The following JAKMIP2 variants were observed in gnomAD, a reference collection of about 807,000 sequenced individuals.
JAKMIP2 encodes the protein janus kinase and microtubule-interacting protein 2.
A neutral mutation model predicts 115.0 loss-of-function variants in JAKMIP2; 25 were observed. That is an observed-to-expected ratio of 0.22 (90% CI 0.16 to 0.30). JAKMIP2 has a LOEUF of 0.30. Among genes scored for constraint, JAKMIP2 ranks in the 10% least tolerant of loss-of-function variants. The pLI is 1.00. For missense variants in JAKMIP2, 642 were observed against 957.6 expected (o/e 0.67, Z 4.35); for synonymous variants, 334 against 343.6 (o/e 0.97, Z 0.31).
intron 21 of JAKMIP2, among the ~76,000 whole-genome samples, chr5:147,601,525 G>A (rs967373781): frequency 6.6e-6 from 1 of 152,112 alleles, no homozygotes; most frequent in African/African-American, 2.4e-5. Flanking sequence ...CTTTGAGCCT[G>A]GGAGATTGAG....
intron 1 of JAKMIP2, among the ~76,000 whole-genome samples, chr5:147,780,152 G>C (rs1360245001): frequency 2.0e-5 from 3 of 152,128 alleles, no homozygotes; most frequent in Non-Finnish European, 2.9e-5. Context: ...TCTAGTGCTT[G>C]AAACACACTT....
At chr5:147,744,667 A>T (rs1561572574) in intron 1 of JAKMIP2, among the ~76,000 whole-genome samples, 1 of 152,190 alleles carries the variant, frequency 6.6e-6, no homozygotes, top group Non-Finnish European at 1.5e-5. Flanking sequence ...AAAATTAAAG[A>T]TTGGTACAAA....
chr5:147,629,795 T>C (rs374066114), intron 14 of JAKMIP2, 49 bp from the exon 15 acceptor site: 2 of 1,429,268 alleles, frequency 1.4e-6, no homozygotes, highest in African/African-American at 1.4e-5. Flanking sequence ...TGGCCTCCTA[T>C]TCCATCAGTG....
intron 1 of JAKMIP2, among the ~76,000 whole-genome samples, chr5:147,759,089 G>A (rs959989220): frequency 7.9e-5 from 12 of 152,072 alleles, no homozygotes; most frequent in Non-Finnish European, 2.9e-5. Flanking sequence ...TATTTCCATG[G>A]CTGGGTAAAT....
intron 1 of JAKMIP2, among the ~76,000 whole-genome samples, chr5:147,726,313 A>C (rs564181290): frequency 1.3e-5 from 2 of 152,226 alleles, no homozygotes; most frequent in South Asian, 4.1e-4. Flanking sequence ...CTCAGAATGG[A>C]AGAAGATGGT....
Position 147,585,661 on chromosome 5 carries a change from A to G in JAKMIP2, c.*6046T>C, listed in dbSNP as rs1266235893. ...AGTCAATTTTTATTTTTCTTTCATT[A>G]ATAAACAAGCACTGAAGTGATATAT... On this transcript the variant is annotated 3_prime_UTR_variant, in exon 22 of 22. Transcript: ENST00000616793. The G allele has an allele frequency of 6.6e-6, 1 of 152,166 alleles. No individual in the cohort carries two copies. Among genetic ancestry groups the G allele is most frequent in the Non-Finnish European group, 1.5e-5 (1 of 68,038 alleles). 9.4% of individuals were successfully genotyped at this position (152,166 alleles called of 1,614,324 possible).
chr5:147,636,171 ATC>A, intron 12 of JAKMIP2, 49 bp downstream of exon 12: 4 of 1,462,432 alleles, frequency 2.7e-6, no homozygotes, highest in Non-Finnish European at 3.8e-6. Context: ...CTGCTCCTGG[ATC>A]TCTCATGATT....
chr5:147,716,590 G>A (rs1463832074), intron 1 of JAKMIP2, among the ~76,000 whole-genome samples: 1 of 152,116 alleles, frequency 6.6e-6, no homozygotes. Flanking sequence ...TTTCTCTGAT[G>A]GCCAGCGATG....
chr5:147,714,380 G>A (rs1752887673), intron 1 of JAKMIP2, among the ~76,000 whole-genome samples: 1 of 152,128 alleles, frequency 6.6e-6, no homozygotes, highest in African/African-American at 2.4e-5. Flanking sequence ...TGGAATTTAG[G>A]TGTAACAGAA....
chr5:147,607,948 T>C (rs562949847), intron 20 of JAKMIP2, among the ~76,000 whole-genome samples: 1 of 152,290 alleles, frequency 6.6e-6, no homozygotes, highest in African/African-American at 2.4e-5. Flanking sequence ...CTAGATTTTC[T>C]ATTTATTTGC....
chr5:147,722,341 TC>T (rs1354262973), intron 1 of JAKMIP2, among the ~76,000 whole-genome samples: 1 of 152,172 alleles, frequency 6.6e-6, no homozygotes, highest in African/African-American at 2.4e-5. Flanking sequence ...GTTATTCCTC[TC>T]CCCGTCTTTT....
At chr5:147,613,522 A>G (rs7443154) in intron 19 of JAKMIP2, among the ~76,000 whole-genome samples, 142,906 of 152,216 alleles carry the variant, frequency 0.94, 67,598 homozygotes, top group Non-Finnish European at 1. Flanking sequence ...ATTTTTTTAA[A>G]GTTAGTTAAT....
At chr5:147,678,011 G>A (rs1015216011) in intron 1 of JAKMIP2, among the ~76,000 whole-genome samples, 1 of 150,826 alleles carries the variant, frequency 6.6e-6, no homozygotes, top group African/African-American at 2.4e-5. Context: ...CCTTTTTTTT[G>A]TTCGTTTGTT....
chr5:147,745,550 G>A (rs1199281815), intron 1 of JAKMIP2, among the ~76,000 whole-genome samples: 1 of 152,118 alleles, frequency 6.6e-6, no homozygotes, highest in Non-Finnish European at 1.5e-5. Flanking sequence ...CCACCATGGA[G>A]GTTTTGGTTC....
chr5:147,662,107 A>G (rs1360408089), intron 2 of JAKMIP2: 1 of 151,296 alleles, frequency 6.6e-6, no homozygotes, highest in Non-Finnish European at 1.5e-5. Flanking sequence ...ACAGTTGATA[A>G]TAGCCTCAAC....
chr5:147,726,199 G>C (rs921105905), intron 1 of JAKMIP2, among the ~76,000 whole-genome samples: 3 of 152,220 alleles, frequency 2.0e-5, no homozygotes, highest in African/African-American at 7.2e-5. Flanking sequence ...GTGGATCAAA[G>C]ATGACAAGGC....
At chr5:147,712,705 T>C (rs1752829000) in intron 1 of JAKMIP2, among the ~76,000 whole-genome samples, 1 of 152,130 alleles carries the variant, frequency 6.6e-6, no homozygotes, top group Non-Finnish European at 1.5e-5. Flanking sequence ...TGCTCCCTCA[T>C]CCATCTTAAT....
At chr5:147,602,742 T>G (rs1341912291) in intron 20 of JAKMIP2, among the ~76,000 whole-genome samples, 2 of 152,214 alleles carry the variant, frequency 1.3e-5, no homozygotes, top group African/African-American at 4.8e-5. Flanking sequence ...AGAGTAAGTC[T>G]TTTACTTGAT....
intron 21 of JAKMIP2, among the ~76,000 whole-genome samples, chr5:147,600,570 A>C (rs1755643804): frequency 6.6e-6 from 1 of 152,120 alleles, no homozygotes; most frequent in Non-Finnish European, 1.5e-5. Flanking sequence ...AACCATGATA[A>C]ATGGATTTAG....
Sources: gnomAD v4.1 joint callset for allele counts (sites outside exome capture counted in the v4.1 genomes callset) on GRCh38, gnomAD v4.1.1 for gene constraint, MANE v1.5 for transcripts, NCBI Gene and HGNC (gene_info 2026-07-23, HGNC 2026-07-21) for gene names.